Variants in EDA2R observed in about 807,000 individuals in gnomAD.
EDA2R encodes the protein ectodysplasin A2 receptor.
Under a neutral mutation model 20.1 loss-of-function variants are expected in EDA2R, and 26 were observed. The ratio of observed to expected loss-of-function variants is 1.30; its 90% confidence interval spans 0.95 to 1.80. The LOEUF (loss-of-function observed/expected upper bound fraction) is 1.80, where lower values mean the gene tolerates loss of function less well. EDA2R is among the 40% of genes most tolerant of loss of function. The pLI, the probability that EDA2R is intolerant of heterozygous loss-of-function variation, is 0.00. For synonymous variants in EDA2R, 114 were observed against 88.7 expected, an observed-to-expected ratio of 1.29 and a Z score of -1.60; for missense variants, 277 against 228.7, an observed-to-expected ratio of 1.21 and a Z score of -1.36.
At chrX:66,634,636 T>C (rs1257495061) in intron 1 of EDA2R, among the ~76,000 whole-genome samples, 4 of 111,758 alleles carry the variant, frequency 3.6e-5, no homozygotes, top group Non-Finnish European at 7.5e-5. Context: ...ATGAGGAAAC[T>C]AATGCTCAGA....
intron 1 of EDA2R, among the ~76,000 whole-genome samples, chrX:66,628,214 C>A (rs1421873906): frequency 9.0e-6 from 1 of 110,801 alleles, no homozygotes; most frequent in Non-Finnish European, 1.9e-5. Context: ...GCCTTAAACA[C>A]CTATATGGAA....
At chrX:66,606,272 A>C (rs1402156839) in intron 2 of EDA2R, among the ~76,000 whole-genome samples, 4 of 111,991 alleles carry the variant, frequency 3.6e-5, no homozygotes, top group African/African-American at 6.5e-5. Context: ...TGGGAACACC[A>C]TTAGCCAAAA....
At chrX:66,604,978 G>A in intron 3 of EDA2R, 70 bp downstream of exon 3, 1 of 922,151 alleles carries the variant, frequency 1.1e-6, no homozygotes, top group South Asian at 2.5e-5. Flanking sequence ...AGTTCTGAGA[G>A]GTGAGGATGG....
intron 5 of EDA2R, among the ~76,000 whole-genome samples, chrX:66,602,298 G>T (rs1221819435): frequency 9.0e-6 from 1 of 111,402 alleles, no homozygotes; most frequent in Non-Finnish European, 1.9e-5. Flanking sequence ...TAGATGACTT[G>T]TCTAAGGTTA....
chrX:66,628,035 C>T (rs191381218), intron 1 of EDA2R, among the ~76,000 whole-genome samples: 27 of 111,314 alleles, frequency 2.4e-4, no homozygotes, highest in Admixed American at 2.3e-3. Flanking sequence ...AAAAAGGAAC[C>T]TTCAAAACCA....
chrX:66,605,758 A>G (rs1166338995), intron 2 of EDA2R, among the ~76,000 whole-genome samples: 1 of 112,424 alleles, frequency 8.9e-6, no homozygotes, highest in Non-Finnish European at 1.9e-5. Context: ...TAACTACAAC[A>G]GGTACAAGAA....
chrX:66,609,344 C>T (rs1162332458), intron 2 of EDA2R, among the ~76,000 whole-genome samples: 1 of 107,559 alleles, frequency 9.3e-6, no homozygotes, highest in African/African-American at 3.7e-5. Flanking sequence ...CGAAATACTC[C>T]TTCCATTCTG....
At chrX:66,614,812 A>G (rs1327801170) in intron 2 of EDA2R, among the ~76,000 whole-genome samples, 2 of 112,116 alleles carry the variant, frequency 1.8e-5, no homozygotes, top group Non-Finnish European at 3.8e-5. Context: ...ATGCACTTAG[A>G]GAAAGATGAA....
intron 1 of EDA2R, among the ~76,000 whole-genome samples, chrX:66,622,887 G>C (rs891445500): frequency 8.0e-5 from 9 of 112,149 alleles, no homozygotes; most frequent in African/African-American, 2.9e-4. Context: ...TATTTGTAAA[G>C]TTTGCATTTC....
intron 2 of EDA2R, among the ~76,000 whole-genome samples, chrX:66,608,083 G>A (rs1308532221): frequency 8.9e-6 from 1 of 111,795 alleles, no homozygotes; most frequent in Non-Finnish European, 1.9e-5. Flanking sequence ...TAAATGAAAT[G>A]AAAACTTCAC....
intron 1 of EDA2R, among the ~76,000 whole-genome samples, chrX:66,637,918 G>A (rs943872309): frequency 1.8e-5 from 2 of 111,827 alleles, no homozygotes; most frequent in Non-Finnish European, 3.8e-5. Context: ...GTTAAATGGT[G>A]AGCATGGGAT....
intron 1 of EDA2R, among the ~76,000 whole-genome samples, chrX:66,628,719 A>T (rs1427081110): frequency 9.1e-6 from 1 of 110,346 alleles, no homozygotes; most frequent in Non-Finnish European, 1.9e-5. Flanking sequence ...AAAAAAAAAA[A>T]ATCCAGGATC....
At chrX:66,607,842 G>A (rs189784052) in intron 2 of EDA2R, among the ~76,000 whole-genome samples, 89 of 111,416 alleles carry the variant, frequency 8.0e-4, no homozygotes, top group African/African-American at 2.9e-3. Flanking sequence ...AGGCAAGTGT[G>A]GCCCATTCAA....
intron 1 of EDA2R, among the ~76,000 whole-genome samples, chrX:66,637,555 C>T (rs908242877): frequency 8.0e-5 from 9 of 112,148 alleles, no homozygotes; most frequent in African/African-American, 1.9e-4. Context: ...TCCAATTTTC[C>T]GCTAATCGTA....
Position 66,605,126 on chromosome X carries a change from G to A in EDA2R, c.188C>T (p.Thr63Ile). The change falls in exon 3 of 7, where the codon ACC becomes ATC. Residue 63 changes from threonine to isoleucine, a missense_variant. Thr to Ile is a moderately conservative substitution (Grantham distance 89). Coordinates refer to ENST00000374719, the MANE Select transcript of EDA2R (RefSeq NM_021783.5). ...CTGAACACGATTGATGACAGCACAG[G>A]TGATGCAACTCTGACATCTGTGGTG... is the stretch of plus-strand genomic sequence containing the variant. Reference protein sequence around the residue: ...WGHHRCQSCITCAVINRVQKV... With the variant: ...WGHHRCQSCIICAVINRVQKV... The A allele has an allele frequency of 8.3e-7, 1 of 1,209,671 alleles. No individual in the cohort carries two copies. The highest frequency in any genetic ancestry group is 1.1e-6 in the Non-Finnish European group (1 of 894,408).
chrX:66,595,916 T>G lies in EDA2R; in HGVS notation c.*2188A>C, dbSNP rs773639298. 6.4e-5 allele frequency: 7 copies of G among 110,076 alleles called. No individual in the cohort carries two copies. Among genetic ancestry groups the G allele is most frequent in the Non-Finnish European group, 1.1e-4 (6 of 52,685 alleles). 9.1% of individuals were successfully genotyped at this position (110,076 alleles called of 1,213,427 possible). A position where few individuals can be genotyped will look rare whatever the true frequency, so the allele number is the denominator to read the frequency against. On this transcript the variant is annotated 3_prime_UTR_variant, in exon 7 of 7. Transcript: ENST00000374719. ...TATGTTGTAGAGGGGTATGCTGTAG[T>G]GCTGAATCCTTTCCTAACCTGGATC...
intron 1 of EDA2R, among the ~76,000 whole-genome samples, chrX:66,633,666 C>T (rs1934057804): frequency 9.0e-6 from 1 of 111,328 alleles, no homozygotes. Context: ...TCTTGCTTTG[C>T]TCTGCTGTTA....
chrX:66,606,601 A>G (rs1929725278), intron 2 of EDA2R, among the ~76,000 whole-genome samples: 1 of 112,373 alleles, frequency 8.9e-6, no homozygotes, highest in African/African-American at 3.2e-5. Flanking sequence ...AAAACATTCA[A>G]AGGCTTACAT....
Position 66,614,619 on chromosome X carries a change from G to A in EDA2R, c.87+1315C>T, listed in dbSNP as rs748792136. 2.5e-4 allele frequency among the ~76,000 whole-genome samples: 28 copies of A among 112,185 alleles called. No individual in the cohort carries two copies. The South Asian group carries it at 0.01, about 41-fold the overall frequency. On this transcript the variant is annotated intron_variant, in intron 2 of 6. Transcript: ENST00000374719. The stretch of plus-strand genomic sequence containing the variant: ...TCAACCATGTGGGTACCCCACTGTG[G>A]GACATAATGCCATGTGTAAAAACTT...
Sources: allele counts gnomAD v4.1 joint callset (sites outside exome capture counted in the v4.1 genomes callset), GRCh38; gene constraint gnomAD v4.1.1; transcripts MANE v1.5; gene names NCBI Gene and HGNC (gene_info 2026-07-23, HGNC 2026-07-21).